Variants in ALDH6A1 observed in about 807,000 individuals in gnomAD.
ALDH6A1 encodes the protein methylmalonate-semialdehyde/malonate-semialdehyde dehydrogenase [acylating], mitochondrial.
Under a neutral mutation model 62.6 loss-of-function variants are expected in ALDH6A1, and 43 were observed. The ratio of observed to expected loss-of-function variants is 0.69; its 90% CI spans 0.54 to 0.89. ALDH6A1 has a LOEUF of 0.89. ALDH6A1 is among the 40% of genes least tolerant of loss of function. The pLI, the probability that ALDH6A1 is intolerant of heterozygous loss-of-function variation, is 0.00. For synonymous variants in ALDH6A1, 194 were observed against 234.2 expected (o/e 0.83, Z 1.57); for missense variants, 551 against 661.3 (o/e 0.83, Z 1.83).
chr14:74,084,289 G>A (rs996360639), intron 1 of ALDH6A1, 58 bp downstream of exon 1: 3 of 1,611,600 alleles, frequency 1.9e-6, no homozygotes, highest in East Asian at 2.2e-5. Context: ...GGCTCAGGGA[G>A]CGGACGGAAA....
intron 5 of ALDH6A1, 135 bp from the exon 6 acceptor site, chr14:74,071,632 A>C (rs1244825188): frequency 4.4e-5 from 68 of 1,561,142 alleles, no homozygotes; most frequent in Non-Finnish European, 5.6e-5. Flanking sequence ...TGCCCTTCCA[A>C]GTTAAGGGTT....
chr14:74,057,629 T>G lies in ALDH6A1; in HGVS notation c.*3013A>C, dbSNP rs749737332. ...TTACAACCTAGAGGACAAAGGCTTATAAGGAGATATGAAATGATTTTTTTA... is the reference window on the plus strand; with the variant it reads ...TTACAACCTAGAGGACAAAGGCTTAGAAGGAGATATGAAATGATTTTTTTA... On this transcript the variant is annotated 3_prime_UTR_variant, in exon 12 of 12. Transcript: ENST00000553458. 2.0e-5 allele frequency: 27 copies of G among 1,334,556 alleles called. 2 individuals carry two copies. In the South Asian group the frequency reaches 3.3e-4, roughly 16 times the overall value. 82.7% of individuals were successfully genotyped at this position (1,334,556 alleles called of 1,614,324 possible). A position where few individuals can be genotyped will look rare whatever the true frequency, so the allele number is the denominator to read the frequency against.
chr14:74,066,173 G>A (rs1021166668), intron 9 of ALDH6A1: 2 of 164,536 alleles, frequency 1.2e-5, no homozygotes, highest in Non-Finnish European at 2.7e-5. Context: ...TAGGCAGCAA[G>A]AGGGAGAGGG....
Position 74,067,381 on chromosome 14 carries a change from T to C in ALDH6A1, c.1041A>G (p.Ala347=), listed in dbSNP as rs1468437384. Reference sequence around the variant, plus strand: ...GGGGCAAGTCAGGTGATTGATTACCTGCATTGACTCTCAGGTTTTTGGCAT... The same window carrying C: ...GGGGCAAGTCAGGTGATTGATTACCCGCATTGACTCTCAGGTTTTTGGCAT... ...VEHAKNLRVN[A]GDQPGADLGP... Residue 347 remains alanine (A), a splice_region_variant and synonymous_variant, in exon 8 of 12, where the codon GCA becomes GCG. Transcript: ENST00000553458. The C allele has an allele frequency of 6.2e-7, 1 of 1,612,882 alleles. No individual in the cohort carries two copies. The highest frequency in any genetic ancestry group is 2.2e-5 in the East Asian group (1 of 44,896).
Position 74,079,678 on chromosome 14 carries a change from C to T in ALDH6A1, c.49-4661G>A, listed in dbSNP as rs544828364. Among the ~76,000 whole-genome samples, 343 of 151,764 alleles carry T rather than the reference C, an allele frequency of 2.3e-3. 1 individual carries two copies. Among genetic ancestry groups the T allele is most frequent in the Non-Finnish European group, 2.9e-3 (195 of 67,896 alleles). On this transcript the variant is annotated intron_variant, in intron 1 of 11. Transcript: ENST00000553458. ...CGATCTCCTGACCTCATGATCCGCCCGCCTCAGCCTCCCAAAGTGCTGGGA... is the reference window on the plus strand; with the variant it reads ...CGATCTCCTGACCTCATGATCCGCCTGCCTCAGCCTCCCAAAGTGCTGGGA...
chr14:74,060,783 G>T (rs1280161875), intron 11 of ALDH6A1, 37 bp from the exon 12 acceptor site: 2 of 1,429,612 alleles, frequency 1.4e-6, no homozygotes, highest in Non-Finnish European at 2.0e-6. Context: ...ATATATTTCT[G>T]GGGTTTCATG....
intron 11 of ALDH6A1, among the ~76,000 whole-genome samples, chr14:74,061,527 T>C (rs1187313499): frequency 1.3e-5 from 2 of 152,136 alleles, no homozygotes; most frequent in African/African-American, 4.8e-5. Context: ...GCTAGCACCA[T>C]GTTGGCCAAG....
At chr14:74,082,399 T>TA (rs2060678058) in intron 1 of ALDH6A1, among the ~76,000 whole-genome samples, 1 of 136,818 alleles carries the variant, frequency 7.3e-6, no homozygotes, top group South Asian at 2.5e-4. Flanking sequence ...CGAGGTTTTT[T>TA]TTTTTTTTTT....
chr14:74,075,168 C>A (rs900967536), intron 1 of ALDH6A1, 151 bp from the exon 2 acceptor site: 2 of 694,440 alleles, frequency 2.9e-6, no homozygotes, highest in African/African-American at 3.6e-5. Flanking sequence ...AGATATGAAT[C>A]TATGACACAG....
Position 74,060,454 on chromosome 14 carries a change from A to G in ALDH6A1, c.*188T>C. Reference sequence around the variant, plus strand: ...TAGAAGTATGAAGAGCAAGTGAGAAATCTGGTTTCATTGTTACACTAGGCA... The same window carrying G: ...TAGAAGTATGAAGAGCAAGTGAGAAGTCTGGTTTCATTGTTACACTAGGCA... On this transcript the variant is annotated 3_prime_UTR_variant, in exon 12 of 12. Coordinates refer to ENST00000553458, the MANE Select transcript of ALDH6A1 (RefSeq NM_005589.4). 1 of 607,274 alleles carries G rather than the reference A, an allele frequency of 1.6e-6. No individual in the cohort carries two copies. Among genetic ancestry groups the G allele is most frequent in the Non-Finnish European group, 3.0e-6 (1 of 336,472 alleles). 37.6% of individuals were successfully genotyped at this position (607,274 alleles called of 1,614,324 possible). A position where few individuals can be genotyped will look rare whatever the true frequency, so the allele number is the denominator to read the frequency against.
intron 10 of ALDH6A1, 38 bp from the exon 11 acceptor site, chr14:74,064,958 A>G (rs1327834961): frequency 6.3e-7 from 1 of 1,578,182 alleles, no homozygotes; most frequent in African/African-American, 1.3e-5. Flanking sequence ...CCTAAGGACA[A>G]AGGAACTCTC....
At position 74,059,888 on chromosome 14, in the gene ALDH6A1, C is replaced by T. The variant is rs1472195700; in HGVS notation, c.*754G>A. 6.5e-6 allele frequency: 1 copy of T among 153,262 alleles called. No individual in the cohort carries two copies. Among genetic ancestry groups the T allele is most frequent in the African/African-American group, 2.4e-5 (1 of 41,412 alleles). The allele number at this position is 153,262 out of a possible 1,614,324, so 9.5% of individuals were successfully genotyped here. ...TGACAATGATAGAATTAATAGTGGT[C>T]ATGAATTACTAGGAAACAAAGTGGC... On this transcript the variant is annotated 3_prime_UTR_variant, in exon 12 of 12. Transcript: ENST00000553458.
At position 74,057,513 on chromosome 14, in the gene ALDH6A1, C is replaced by G. The variant is rs949644196; in HGVS notation, c.*3129G>C. The G allele has an allele frequency of 1.5e-6, 2 of 1,375,930 alleles. No homozygotes were observed. The highest frequency in any genetic ancestry group is 1.9e-6 in the Non-Finnish European group (2 of 1,061,128). 85.2% of individuals were successfully genotyped at this position (1,375,930 alleles called of 1,614,324 possible). A position where few individuals can be genotyped will look rare whatever the true frequency, so the allele number is the denominator to read the frequency against. ...TAGGTTGCCTTTTGAAGTAAACAGCCTAGCCAAAATGTGTACTATCTTTTA... is the reference window on the plus strand; with the variant it reads ...TAGGTTGCCTTTTGAAGTAAACAGCGTAGCCAAAATGTGTACTATCTTTTA... On this transcript the variant is annotated 3_prime_UTR_variant, in exon 12 of 12. Coordinates refer to ENST00000553458, the MANE Select transcript of ALDH6A1 (RefSeq NM_005589.4).
chr14:74,084,414 T>C lies in ALDH6A1; in HGVS notation c.-20A>G, dbSNP rs773204599. 7 of 1,612,156 alleles carry C rather than the reference T, an allele frequency of 4.3e-6. No homozygotes were observed. Among genetic ancestry groups the C allele is most frequent in the Non-Finnish European group, 5.9e-6 (7 of 1,179,700 alleles). The stretch of plus-strand genomic sequence containing the variant: ...CGCCATGGCTCTCGGCCGCCCTAGC[T>C]CCGCACCCCGCGCCTCTACTGCCCA... On this transcript the variant is annotated 5_prime_UTR_variant, in exon 1 of 12. Coordinates refer to ENST00000553458, the MANE Select transcript of ALDH6A1 (RefSeq NM_005589.4).
rs2060440865 is a variant in ALDH6A1, at chr14:74,065,199, G to A, written c.1386C>T (p.His462=). The A allele has an allele frequency of 1.2e-6, 2 of 1,614,014 alleles. No individual in the cohort carries two copies. Among genetic ancestry groups the A allele is most frequent in the East Asian group, 2.2e-5 (1 of 44,898 alleles). The change falls in exon 10 of 12, where the codon CAC becomes CAT. Residue 462 remains histidine (H), a synonymous_variant. Transcript: ENST00000553458. ...TNGATARKYA[H]LVDVGQVGVN... ...CACGAACCTGTCCAACATCCACCAA[G>A]TGGGCATATTTCCGAGCAGTGGCTC...
intron 6 of ALDH6A1, among the ~76,000 whole-genome samples, chr14:74,070,052 G>A (rs2060527909): frequency 6.6e-6 from 1 of 151,612 alleles, no homozygotes; most frequent in East Asian, 2.0e-4. Context: ...CATGGCCCAG[G>A]CTGGTCTCGA....
chr14:74,068,203 A>T (rs1223415446), intron 7 of ALDH6A1, among the ~76,000 whole-genome samples: 7 of 151,032 alleles, frequency 4.6e-5, no homozygotes, highest in Non-Finnish European at 1.0e-4. Context: ...TGGCCAAGAA[A>T]CCCTGTCTCT....
chr14:74,065,153 G>C (rs576069084), intron 10 of ALDH6A1, 28 bp downstream of exon 10: 88 of 1,611,888 alleles, frequency 5.5e-5, no homozygotes, highest in Non-Finnish European at 7.1e-5. Context: ...ATGGATATAA[G>C]AATCTCTTAA....
At chr14:74,076,579 C>G (rs1424681276) in intron 1 of ALDH6A1, among the ~76,000 whole-genome samples, 1 of 152,018 alleles carries the variant, frequency 6.6e-6, no homozygotes, top group Non-Finnish European at 1.5e-5. Flanking sequence ...TCTCATTGAC[C>G]AGGCTGGAGT....
Sources: gnomAD v4.1 joint callset for allele counts (sites outside exome capture counted in the v4.1 genomes callset) on GRCh38, gnomAD v4.1.1 for gene constraint, MANE v1.5 for transcripts, NCBI Gene and HGNC (gene_info 2026-07-23, HGNC 2026-07-21) for gene names.